The following ZNF362 variants were observed in gnomAD, a reference collection of about 807,000 sequenced individuals.
ZNF362 encodes rotund homolog.
A neutral mutation model predicts 42.9 loss-of-function variants in ZNF362; 11 were observed. The ratio of observed to expected loss-of-function variants is 0.26; its 90% CI spans 0.16 to 0.42. The LOEUF (loss-of-function observed/expected upper bound fraction) is 0.42, where lower values mean the gene tolerates loss of function less well. ZNF362 is among the 20% of genes least tolerant of loss of function. ZNF362 has a pLI of 1.00. For synonymous variants in ZNF362, 255 were observed against 257.3 expected (o/e 0.99, Z 0.09); for missense variants, 362 against 576.2 (o/e 0.63, Z 3.81).
At chr1:33,234,228 A>G in the ZNF362 span, among the ~76,000 whole-genome samples, 1 of 152,170 alleles carries the variant, frequency 6.6e-6, no homozygotes, top group Admixed American at 6.5e-5. Context: ...GTGACCCTAC[A>G]CAAGTTACTT....
the ZNF362 span, among the ~76,000 whole-genome samples, chr1:33,245,151 A>G: frequency 8.5e-5 from 13 of 152,158 alleles, no homozygotes; most frequent in African/African-American, 3.1e-4. Flanking sequence ...CAAGGCTGGG[A>G]AAAAGCTCTG....
In ZNF362 at chr1:33,298,982, T is replaced by C; in HGVS notation, c.1199T>C (p.Val400Ala). 1 of 1,613,664 alleles carries C rather than the reference T, an allele frequency of 6.2e-7. No homozygotes were observed. Among genetic ancestry groups the C allele is most frequent in the African/African-American group, 1.3e-5 (1 of 75,068 alleles). ...AAACACACGGTGGTGGAGCACCTGGTGAGCCATCACTCGCCCCAGAGGACG... is the reference window on the plus strand; with the variant it reads ...AAACACACGGTGGTGGAGCACCTGGCGAGCCATCACTCGCCCCAGAGGACG... ...MSKHTVVEHL[V>A]SHHSPQRTES... The change falls in exon 9 of 9, where the codon GTG becomes GCG. Residue 400 changes from valine to alanine, a missense_variant. Transcript: ENST00000539719.
chr1:33,207,074 A>G, the ZNF362 span, among the ~76,000 whole-genome samples: 7 of 152,022 alleles, frequency 4.6e-5, no homozygotes, highest in Admixed American at 2.0e-4. Flanking sequence ...TACATTAGGT[A>G]TTTCTCCTAA....
At chr1:33,205,925 A>G in the ZNF362 span, among the ~76,000 whole-genome samples, 1 of 152,136 alleles carries the variant, frequency 6.6e-6, no homozygotes, top group Non-Finnish European at 1.5e-5. Flanking sequence ...CAAAAAAAAA[A>G]TAAATAAATA....
At chr1:33,137,605 G>A in the ZNF362 span, among the ~76,000 whole-genome samples, 3,653 of 152,238 alleles carry the variant, frequency 0.024, 71 homozygotes, top group Middle Eastern at 0.037. Flanking sequence ...ATCCCCAGAG[G>A]GGGGATCTTG....
At chr1:33,153,958 G>A in the ZNF362 span, among the ~76,000 whole-genome samples, 1 of 152,178 alleles carries the variant, frequency 6.6e-6, no homozygotes, top group Non-Finnish European at 1.5e-5. Context: ...ACAAAACAGT[G>A]AGACCATGTA....
chr1:33,280,401 A>C lies in ZNF362; in HGVS notation c.627A>C (p.Val209=). 1 of 1,613,324 alleles carries C rather than the reference A, an allele frequency of 6.2e-7. No homozygotes were observed. Among genetic ancestry groups the C allele is most frequent in the Non-Finnish European group, 8.5e-7 (1 of 1,179,706 alleles). ...AENPGGPPVL[V]VPYPILASGE... is the part of the protein sequence containing the mutation. The stretch of plus-strand genomic sequence containing the variant: ...ACCCGGGGGGTCCGCCTGTCCTTGT[A>C]GTCCCCTATCCCATCCTGGCCTCGG... The change falls in exon 5 of 9, where the codon GTA becomes GTC. Residue 209 remains valine (V), a synonymous_variant. Coordinates refer to ENST00000539719, the MANE Select transcript of ZNF362 (RefSeq NM_152493.3). The surrounding 1 kb of genome is among the most constrained non-coding windows in gnomAD (Gnocchi z 5.6).
the ZNF362 span, among the ~76,000 whole-genome samples, chr1:33,219,181 G>T: frequency 2.6e-5 from 4 of 152,168 alleles, no homozygotes; most frequent in East Asian, 1.9e-4. Context: ...TGGGGGCTGG[G>T]TGTGACATTC....
At chr1:33,255,861 G>T (rs1201423072), upstream of ZNF362, among the ~76,000 whole-genome samples, 1 of 152,012 alleles carries the variant, frequency 6.6e-6, no homozygotes, top group Non-Finnish European at 1.5e-5. Context: ...CCGTCTTCGA[G>T]GGAGACCCCC....
At chr1:33,297,833 CA>C (rs548715005) in intron 8 of ZNF362, among the ~76,000 whole-genome samples, 265 of 152,314 alleles carry the variant, frequency 1.7e-3, no homozygotes, top group Middle Eastern at 3.4e-3. Flanking sequence ...CTTTTTAGAT[CA>C]AGATCCAAAT....
intron 1 of ZNF362, among the ~76,000 whole-genome samples, chr1:33,260,039 G>T (rs1645818914): frequency 6.6e-6 from 1 of 152,162 alleles, no homozygotes; most frequent in Non-Finnish European, 1.5e-5. Context: ...CCCTGGCCAG[G>T]CATGTGGTGG....
the ZNF362 span, among the ~76,000 whole-genome samples, chr1:33,130,085 C>G: frequency 6.6e-6 from 1 of 152,180 alleles, no homozygotes; most frequent in Non-Finnish European, 1.5e-5. Context: ...TCTCAAACTC[C>G]TGACCTCACG....
At chr1:33,239,100 C>G in the ZNF362 span, among the ~76,000 whole-genome samples, 6 of 152,306 alleles carry the variant, frequency 3.9e-5, no homozygotes, top group Non-Finnish European at 5.9e-5. Flanking sequence ...AACACCTACT[C>G]CATCCCCCAA....
intron 8 of ZNF362, among the ~76,000 whole-genome samples, chr1:33,295,853 T>C (rs368658459): frequency 2.8e-4 from 43 of 152,214 alleles, no homozygotes; most frequent in African/African-American, 9.9e-4. Flanking sequence ...GATCTAATAT[T>C]CTAGTTAACA....
the ZNF362 span, among the ~76,000 whole-genome samples, chr1:33,203,890 G>A: frequency 5.3e-5 from 8 of 151,858 alleles, no homozygotes; most frequent in South Asian, 4.1e-4. Context: ...TCAGATGTAC[G>A]GTTTGCAAAC....
intron 6 of ZNF362, among the ~76,000 whole-genome samples, chr1:33,288,805 G>A (rs181529338): frequency 2.6e-4 from 38 of 143,510 alleles, no homozygotes; most frequent in Non-Finnish European, 4.4e-4. Flanking sequence ...TCCCATCGCC[G>A]CAGATGTGGG....
the ZNF362 span, among the ~76,000 whole-genome samples, chr1:33,217,598 C>T: frequency 1.3e-5 from 2 of 152,146 alleles, no homozygotes; most frequent in South Asian, 4.1e-4. Context: ...TGACTGTTCT[C>T]TTTCTTCAGA....
chr1:33,157,130 A>T, the ZNF362 span, among the ~76,000 whole-genome samples: 1 of 151,984 alleles, frequency 6.6e-6, no homozygotes, highest in South Asian at 2.1e-4. Flanking sequence ...ACTGGCTCTC[A>T]TCTCACTCAG....
intron 1 of ZNF362, among the ~76,000 whole-genome samples, chr1:33,267,443 T>C (rs1645872365): frequency 6.6e-6 from 1 of 152,290 alleles, no homozygotes; most frequent in Non-Finnish European, 1.5e-5. Context: ...ATACATGCAG[T>C]TTTTAAAAAT....
Sources: allele counts gnomAD v4.1 joint callset (sites outside exome capture counted in the v4.1 genomes callset), GRCh38; gene constraint gnomAD v4.1.1; non-coding constraint Gnocchi (gnomAD v3.1); transcripts MANE v1.5; gene names NCBI Gene and HGNC (gene_info 2026-07-23, HGNC 2026-07-21).